IL1RAPL2: variants seen among roughly 807,000 people sequenced by gnomAD.
IL1RAPL2 encodes the protein X-linked interleukin-1 receptor accessory protein-like 2.
Under a neutral mutation model 44.1 loss-of-function variants are expected in IL1RAPL2, and 3 were observed. The observed-to-expected ratio is 0.07, with a 90% CI of 0.03 to 0.18. IL1RAPL2 has a LOEUF of 0.18. Ranked by LOEUF, IL1RAPL2 falls within the 10% of genes least tolerant of loss-of-function variation. The pLI is 1.00. For synonymous variants in IL1RAPL2, 181 were observed against 178.8 expected (o/e 1.01, Z -0.10); for missense variants, 391 against 496.4 (o/e 0.79, Z 2.02).
At chrX:104,973,509 G>A (rs187018135) in intron 2 of IL1RAPL2, among the ~76,000 whole-genome samples, 101 of 111,467 alleles carry the variant, frequency 9.1e-4, no homozygotes, top group East Asian at 5.4e-3. Flanking sequence ...CACAGGAGCC[G>A]ACAAAAAAGC....
chrX:104,765,183 T>TTTTTG (rs1239822306), intron 2 of IL1RAPL2, among the ~76,000 whole-genome samples: 1 of 111,613 alleles, frequency 9.0e-6, no homozygotes, highest in Non-Finnish European at 1.9e-5. Context: ...TCCTGAGCTT[T>TTTTTG]TTTTGTTTTG....
At chrX:104,943,131 CA>C (rs2147703983) in intron 2 of IL1RAPL2, among the ~76,000 whole-genome samples, 1 of 111,417 alleles carries the variant, frequency 9.0e-6, no homozygotes, top group East Asian at 2.8e-4. Context: ...CGATGTTCAT[CA>C]GGGATATTGG....
chrX:105,546,565 G>A (rs1025843810), intron 6 of IL1RAPL2, among the ~76,000 whole-genome samples: 3 of 110,913 alleles, frequency 2.7e-5, no homozygotes, highest in African/African-American at 9.8e-5. Flanking sequence ...TATGGGACAA[G>A]TACAGAATTG....
chrX:104,603,173 T>A (rs770338020), intron 1 of IL1RAPL2, among the ~76,000 whole-genome samples: 1 of 111,238 alleles, frequency 9.0e-6, no homozygotes, highest in East Asian at 2.8e-4. Context: ...CCACTGGTGA[T>A]ACCCAGGAAA....
At chrX:104,926,353 A>G (rs1237452449) in intron 2 of IL1RAPL2, among the ~76,000 whole-genome samples, 2 of 112,340 alleles carry the variant, frequency 1.8e-5, no homozygotes, top group African/African-American at 6.5e-5. Flanking sequence ...TTCAAAATAT[A>G]TCGAGAGAAA....
At chrX:105,550,986 A>G (rs375500307) in intron 6 of IL1RAPL2, among the ~76,000 whole-genome samples, 5 of 111,716 alleles carry the variant, frequency 4.5e-5, no homozygotes, top group East Asian at 5.6e-4. Context: ...TACATATGTG[A>G]CTAACATGAT....
At chrX:105,724,163 C>T (rs947952074) in intron 7 of IL1RAPL2, among the ~76,000 whole-genome samples, 2 of 111,027 alleles carry the variant, frequency 1.8e-5, no homozygotes, top group African/African-American at 3.3e-5. Flanking sequence ...ATGTGTGTTA[C>T]AACTTTTTAT....
chrX:104,710,761 G>T (rs186850513), intron 2 of IL1RAPL2, among the ~76,000 whole-genome samples: 20 of 111,186 alleles, frequency 1.8e-4, no homozygotes, highest in Non-Finnish European at 3.4e-4. Context: ...ATCTAGAAAA[G>T]TCATAGCCAT....
intron 6 of IL1RAPL2, among the ~76,000 whole-genome samples, chrX:105,622,663 T>G (rs2037428160): frequency 9.0e-6 from 1 of 111,639 alleles, no homozygotes; most frequent in Non-Finnish European, 1.9e-5. Context: ...AAAAGCAGAC[T>G]GTTCTGTTGT....
intron 6 of IL1RAPL2, among the ~76,000 whole-genome samples, chrX:105,613,062 C>T (rs762618270): frequency 9.0e-6 from 1 of 111,672 alleles, no homozygotes; most frequent in South Asian, 3.8e-4. Context: ...CCAGGCTGAA[C>T]AGCTTGTGGC....
At chrX:104,893,614 G>C (rs897070006) in intron 2 of IL1RAPL2, among the ~76,000 whole-genome samples, 1 of 111,190 alleles carries the variant, frequency 9.0e-6, no homozygotes, top group Non-Finnish European at 1.9e-5. Flanking sequence ...TGCAACCCCT[G>C]CCTTTTTTTG....
intron 6 of IL1RAPL2, among the ~76,000 whole-genome samples, chrX:105,714,949 A>G (rs1160882224): frequency 8.9e-6 from 1 of 112,184 alleles, no homozygotes; most frequent in African/African-American, 3.2e-5. Flanking sequence ...TTTTTAAATA[A>G]CTAATTCGTT....
At chrX:105,679,593 A>C (rs1051367678) in intron 6 of IL1RAPL2, among the ~76,000 whole-genome samples, 2 of 112,066 alleles carry the variant, frequency 1.8e-5, no homozygotes, top group African/African-American at 6.5e-5. Flanking sequence ...TTTATATATC[A>C]GTTACCTTCA....
intron 6 of IL1RAPL2, among the ~76,000 whole-genome samples, chrX:105,582,140 A>ATC (rs2037093553): frequency 8.9e-6 from 1 of 111,988 alleles, no homozygotes; most frequent in African/African-American, 3.2e-5. Flanking sequence ...ATAAACTTAG[A>ATC]TAAGTTCTGA....
intron 5 of IL1RAPL2, among the ~76,000 whole-genome samples, chrX:105,401,498 ACTGTACAGGTAATGCT>A (rs2035606157): frequency 9.0e-6 from 1 of 111,076 alleles, no homozygotes; most frequent in Non-Finnish European, 1.9e-5. Context: ...ACCTTTAGGC[ACTGTACAGGTAATGCT>A]CTGTGAAAAG....
rs781292596 is a variant in IL1RAPL2, at chrX:105,510,937, T to C, written c.772+26550T>C. ...AACTTTGTGATAACTTGCACAGCAA[T>C]AGATAACTAATAGACTTCATCTTAT... On this transcript the variant is annotated intron_variant, in intron 6 of 10. Transcript: ENST00000372582. Among the ~76,000 whole-genome samples, 9 of 111,818 alleles carry C rather than the reference T, an allele frequency of 8.0e-5. No homozygotes were observed. In the East Asian group the frequency reaches 2.3e-3, roughly 28 times the overall value.
At chrX:105,395,428 T>C (rs2035555030) in intron 5 of IL1RAPL2, among the ~76,000 whole-genome samples, 2 of 108,591 alleles carry the variant, frequency 1.8e-5, no homozygotes, top group South Asian at 8.1e-4. Flanking sequence ...TAGAGATGAG[T>C]AGAGGCTGAG....
chrX:105,610,163 T>C (rs1013377075), intron 6 of IL1RAPL2, among the ~76,000 whole-genome samples: 2 of 111,600 alleles, frequency 1.8e-5, no homozygotes, highest in Admixed American at 1.9e-4. Context: ...ACTTCCCTAG[T>C]TGGCGGGTTG....
Position 105,478,905 on chromosome X carries a change from G to A in IL1RAPL2, c.698-5408G>A, listed in dbSNP as rs1193864710. Among the ~76,000 whole-genome samples the A allele has an allele frequency of 4.5e-5, 5 of 111,765 alleles. No homozygotes were observed. The Admixed American group carries it at 4.8e-4, about 11-fold the overall frequency. ...TATGAGACATGATCTTTATCCTCCA[G>A]GAGCTTAAAAATATAGTTAGGAAGA... On this transcript the variant is annotated intron_variant, in intron 5 of 10. Coordinates refer to ENST00000372582, the MANE Select transcript of IL1RAPL2 (RefSeq NM_017416.2).
Sources: allele counts gnomAD v4.1 joint callset (sites outside exome capture counted in the v4.1 genomes callset), GRCh38; gene constraint gnomAD v4.1.1; transcripts MANE v1.5; gene names NCBI Gene and HGNC (gene_info 2026-07-23, HGNC 2026-07-21).